The following HERC6 variants were observed in gnomAD, a reference collection of about 807,000 sequenced individuals.
HERC6 encodes HECT and RLD domain containing E3 ubiquitin protein ligase family member 6.
HERC6 carries 101 observed loss-of-function variants against 114.5 expected under a neutral mutation model. That is an observed-to-expected ratio of 0.88 (90% CI 0.75 to 1.04). The LOEUF (loss-of-function observed/expected upper bound fraction) is 1.04. HERC6 is among the 50% of genes least tolerant of loss of function. HERC6 has a pLI of 0.00. For synonymous variants in HERC6, 408 were observed against 436.2 expected, an observed-to-expected ratio of 0.94 and a Z score of 0.81; for missense variants, 1,133 against 1,230.9, an observed-to-expected ratio of 0.92 and a Z score of 1.19.
At chr4:88,381,262 G>A (rs1734302553) in intron 1 of HERC6, among the ~76,000 whole-genome samples, 1 of 152,086 alleles carries the variant, frequency 6.6e-6, no homozygotes, top group African/African-American at 2.4e-5. Context: ...ACTGACAAAA[G>A]ACAGATTGAC....
At chr4:88,407,160 C>T (rs143068265) in intron 10 of HERC6, among the ~76,000 whole-genome samples, 1,640 of 152,324 alleles carry the variant, frequency 0.011, 10 homozygotes, top group Non-Finnish European at 0.016. Context: ...TCACTGCAGC[C>T]TCCGCCTCGT....
chr4:88,415,601 T>C (rs1173811078), intron 12 of HERC6, among the ~76,000 whole-genome samples: 1 of 152,224 alleles, frequency 6.6e-6, no homozygotes. Context: ...TTTCCAACCA[T>C]GTTATCAAAC....
chr4:88,405,520 T>C (rs144428378), intron 9 of HERC6, 34 bp from the exon 10 acceptor site: 5 of 1,235,396 alleles, frequency 4.0e-6, no homozygotes, highest in Non-Finnish European at 5.7e-6. Flanking sequence ...CTTTATTATA[T>C]GTTGTGACTT....
intron 1 of HERC6, 69 bp from the exon 2 acceptor site, chr4:88,383,152 G>A (rs1480600202): frequency 1.9e-6 from 3 of 1,550,558 alleles, no homozygotes; most frequent in Admixed American, 4.0e-5. Flanking sequence ...GAAAAGTGCT[G>A]TCTTAAACTT....
chr4:88,399,375 C>T (rs1437365954), intron 8 of HERC6: 1 of 152,162 alleles, frequency 6.6e-6, no homozygotes, highest in Non-Finnish European at 1.5e-5. Context: ...CTCTTGGTGC[C>T]TGGGACAAAA....
intron 13 of HERC6, among the ~76,000 whole-genome samples, chr4:88,419,114 T>C (rs1736786752): frequency 1.3e-5 from 2 of 152,178 alleles, no homozygotes; most frequent in Admixed American, 1.3e-4. Context: ...CACCGAGGAC[T>C]ATGGCCAGAA....
At position 88,435,759 on chromosome 4, in the gene HERC6, G is replaced by C; in HGVS notation, c.2285G>C (p.Gly762Ala). ...KPEKKRYFLF[G>A]MLCGLSLFNL... The stretch of plus-strand genomic sequence containing the variant: ...GAGAAGAAAAGATATTTCCTCTTTG[G>C]AATGCTGTGTGGACTCTCCTTATTC... The change falls in exon 18 of 23, where the codon GGA becomes GCA. Residue 762 changes from glycine to alanine, a missense_variant. Gly to Ala is a moderately conservative substitution (Grantham distance 60, BLOSUM62 0). Transcript: ENST00000264346. 1 of 1,583,946 alleles carries C rather than the reference G, an allele frequency of 6.3e-7. No individual in the cohort carries two copies.
intron 14 of HERC6, among the ~76,000 whole-genome samples, chr4:88,424,325 G>A (rs916010306): frequency 2.6e-5 from 4 of 151,928 alleles, no homozygotes; most frequent in East Asian, 1.9e-4. Context: ...TGTCTCTATC[G>A]AAAAAATACA....
chr4:88,408,425 T>C lies in HERC6; in HGVS notation c.1275-99T>C, dbSNP rs17014132. 4.0e-3 allele frequency: 2,989 copies of C among 746,992 alleles called. 57 individuals carry two copies. The African/African-American group carries it at 0.046, about 12-fold the overall frequency. 46.3% of individuals were successfully genotyped at this position (746,992 alleles called of 1,614,324 possible). ...AGGAGGTAAGCTTTAAGAAAAAGGT[T>C]TGTATCTTATATGTAATAAAGCAAC... On this transcript the variant is annotated intron_variant, in intron 10 of 22. Coordinates refer to ENST00000264346, the MANE Select transcript of HERC6 (RefSeq NM_017912.4).
chr4:88,413,240 T>A lies in HERC6; in HGVS notation c.1532T>A (p.Met511Lys). The change falls in exon 12 of 23, where the codon ATG (methionine) becomes AAG (lysine). Residue 511 changes from methionine (M) to lysine (K), a missense_variant. Physicochemically the swap from Met to Lys is moderately conservative, Grantham distance 95. This residue lies in a region of HERC6 where 735 missense variants were observed against 754.0 expected (regional missense o/e 0.97). Coordinates refer to ENST00000264346, the MANE Select transcript of HERC6 (RefSeq NM_017912.4). ...VVPFAKAVCE[M>K]SKQSLQVLKK... ...CCATTTGCAAAGGCTGTGTGTGAAA[T>A]GAGTAAACAATCTTTGCAAGTCCTA... 1.2e-6 allele frequency: 2 copies of A among 1,613,054 alleles called. No homozygotes were observed. Among genetic ancestry groups the A allele is most frequent in the African/African-American group, 1.3e-5 (1 of 74,960 alleles).
At position 88,379,140 on chromosome 4, in the gene HERC6, T is replaced by A; in HGVS notation, c.199+20T>A. 4 of 1,529,392 alleles carry A rather than the reference T, an allele frequency of 2.6e-6. No homozygotes were observed. The highest frequency in any genetic ancestry group is 3.5e-6 in the Non-Finnish European group (4 of 1,141,062). The allele number at this position is 1,529,392 out of a possible 1,614,324, so 94.7% of individuals were successfully genotyped here. On this transcript the variant is annotated intron_variant, in intron 1 of 22. Transcript: ENST00000264346. ...TGCCAGGTGAGCGGGGGGCCCCAGGTGCAGGGTGTGAGGACCCCAGTACAT... is the reference window on the plus strand; with the variant it reads ...TGCCAGGTGAGCGGGGGGCCCCAGGAGCAGGGTGTGAGGACCCCAGTACAT...
At position 88,404,743 on chromosome 4, in the gene HERC6, A is replaced by G. The variant is rs988178349; in HGVS notation, c.1093-133A>G. On this transcript the variant is annotated intron_variant, in intron 8 of 22. Transcript: ENST00000264346. ...GAATAGCCCTACCGGTCTGACGCCAAAGCTCCTCCCACCAAATGCTACCAC... is the reference window on the plus strand; with the variant it reads ...GAATAGCCCTACCGGTCTGACGCCAGAGCTCCTCCCACCAAATGCTACCAC... 8 of 1,174,722 alleles carry G rather than the reference A, an allele frequency of 6.8e-6. No individual in the cohort carries two copies. In the South Asian group the frequency reaches 8.2e-5, roughly 12 times the overall value. 72.8% of individuals were successfully genotyped at this position (1,174,722 alleles called of 1,614,324 possible).
intron 13 of HERC6, among the ~76,000 whole-genome samples, chr4:88,420,439 A>G (rs947594133): frequency 6.6e-6 from 1 of 152,146 alleles, no homozygotes; most frequent in Non-Finnish European, 1.5e-5. Flanking sequence ...CTATAGAACA[A>G]TTGGAGAGAG....
chr4:88,435,829 A>C lies in HERC6; in HGVS notation c.2355A>C (p.Lys785Asn). 1 of 1,612,638 alleles carries C rather than the reference A, an allele frequency of 6.2e-7. No homozygotes were observed. Among genetic ancestry groups the C allele is most frequent in the South Asian group, 1.1e-5 (1 of 90,898 alleles). Residue 785 changes from lysine to asparagine, a missense_variant, in exon 18 of 23, where the codon AAA becomes AAC. Transcript: ENST00000264346. ...TTCCTTTCCCACTGGCTCTGTATAAAAAACTTCTGGACCAAAAGCCATCAT... is the reference window on the plus strand; with the variant it reads ...TTCCTTTCCCACTGGCTCTGTATAACAAACTTCTGGACCAAAAGCCATCAT... ...ANLPFPLALY[K>N]KLLDQKPSLE...
chr4:88,403,477 G>A (rs906017633), intron 8 of HERC6, among the ~76,000 whole-genome samples: 2 of 152,158 alleles, frequency 1.3e-5, no homozygotes, highest in Non-Finnish European at 2.9e-5. Flanking sequence ...CAGATAGGCC[G>A]GGCGAGGTGG....
intron 1 of HERC6, 107 bp from the exon 2 acceptor site, chr4:88,383,112 CAA>C (rs1225758839): frequency 7.1e-7 from 1 of 1,400,318 alleles, no homozygotes; most frequent in African/African-American, 1.4e-5. Context: ...TTGGAGGAGA[CAA>C]GAAATCTGGA....
chr4:88,391,035 G>A (rs542270224), intron 4 of HERC6, among the ~76,000 whole-genome samples, 156 bp downstream of exon 4: 31 of 152,276 alleles, frequency 2.0e-4, no homozygotes, highest in African/African-American at 4.1e-4. Context: ...TTGTTGTAGC[G>A]GTAACAAATC....
At chr4:88,402,035 C>T (rs977563484) in intron 8 of HERC6, among the ~76,000 whole-genome samples, 9 of 152,072 alleles carry the variant, frequency 5.9e-5, no homozygotes, top group African/African-American at 2.2e-4. Context: ...AGTGATGAAC[C>T]ATGGAATCTA....
At chr4:88,406,810 G>A (rs1735835199) in intron 10 of HERC6, among the ~76,000 whole-genome samples, 1 of 152,034 alleles carries the variant, frequency 6.6e-6, no homozygotes, top group African/African-American at 2.4e-5. Flanking sequence ...CCAGGCCGGA[G>A]TGCAGTAGTG....
Sources: gnomAD v4.1 joint callset for allele counts (sites outside exome capture counted in the v4.1 genomes callset) on GRCh38, gnomAD v4.1.1 for gene constraint, gnomAD v4.1.1 regional missense constraint, MANE v1.5 for transcripts, NCBI Gene and HGNC (gene_info 2026-07-23, HGNC 2026-07-21) for gene names.